The following PPARGC1B variants were observed in gnomAD, a reference collection of about 807,000 sequenced individuals.
The protein encoded by PPARGC1B is PPARG coactivator 1 beta, also known as peroxisome proliferator-activated receptor gamma coactivator 1-beta.
A neutral mutation model predicts 101.6 loss-of-function variants in PPARGC1B; 34 were observed. The ratio of observed to expected loss-of-function variants is 0.33; its 90% CI spans 0.25 to 0.45. The LOEUF (loss-of-function observed/expected upper bound fraction) is 0.45. Among genes scored for constraint, PPARGC1B ranks in the 20% least tolerant of loss-of-function variants. The pLI is 1.00. For missense variants in PPARGC1B, 1,234 were observed against 1,317.6 expected, an observed-to-expected ratio of 0.94 and a Z score of 0.98; for synonymous variants, 548 against 539.3, an observed-to-expected ratio of 1.02 and a Z score of -0.22.
In PPARGC1B at chr5:149,826,850, T is replaced by G. The variant is rs1225262862; in HGVS notation, c.430T>G (p.Ser144Ala). The G allele has an allele frequency of 1.2e-6, 2 of 1,613,344 alleles. No individual in the cohort carries two copies. Among genetic ancestry groups the G allele is most frequent in the African/African-American group, 1.3e-5 (1 of 75,032 alleles). The change falls in exon 3 of 12, where the codon TCG (serine) becomes GCG (alanine). Residue 144 changes from serine (S) to alanine (A), a missense_variant. Around this residue, in one of 3 missense-constraint regions of PPARGC1B, gnomAD observed 734 missense variants for 768.4 expected, o/e 0.96. Transcript: ENST00000309241. ...CCCCAGCCCTGCCCCGGAGAAGCCC[T>G]CGGCCCCAGCCCCTGAGGTGGACGA... is the stretch of plus-strand genomic sequence containing the variant. ...APPSPAPEKPSAPAPEVDELS... is the reference protein window; with the variant it reads ...APPSPAPEKPAAPAPEVDELS...
At chr5:149,821,639 G>A (rs1382049471) in intron 2 of PPARGC1B, among the ~76,000 whole-genome samples, 1 of 152,208 alleles carries the variant, frequency 6.6e-6, no homozygotes, top group African/African-American at 2.4e-5. Context: ...GAACACCAAG[G>A]TGGTGTGCCG....
intron 2 of PPARGC1B, among the ~76,000 whole-genome samples, chr5:149,826,446 C>T (rs1285460920): frequency 1.3e-5 from 2 of 152,172 alleles, no homozygotes; most frequent in Non-Finnish European, 2.9e-5. Flanking sequence ...ACTGCCTGTT[C>T]ATAAAATTCT....
chr5:149,731,015 C>G (rs754030025), intron 1 of PPARGC1B, among the ~76,000 whole-genome samples: 19 of 152,360 alleles, frequency 1.2e-4, no homozygotes, highest in Non-Finnish European at 1.8e-4. Context: ...ACAGCGTCTT[C>G]CTGGTTTCGC....
intron 1 of PPARGC1B, chr5:149,732,968 C>T (rs189178887): frequency 8.4e-4 from 195 of 232,790 alleles, no homozygotes; most frequent in African/African-American, 4.4e-3. Flanking sequence ...CTCATTTCCT[C>T]CATCTGTCAA....
At chr5:149,843,125 G>A (rs1301588987) in intron 10 of PPARGC1B, among the ~76,000 whole-genome samples, 2 of 152,086 alleles carry the variant, frequency 1.3e-5, no homozygotes, top group African/African-American at 2.4e-5. Context: ...CCGAGATGGC[G>A]CCACTGCACT....
At chr5:149,744,155 C>T (rs1286498455) in intron 1 of PPARGC1B, among the ~76,000 whole-genome samples, 1 of 152,220 alleles carries the variant, frequency 6.6e-6, no homozygotes, top group Non-Finnish European at 1.5e-5. Context: ...AGAAAATGAA[C>T]TTCAGGCTGC....
intron 2 of PPARGC1B, among the ~76,000 whole-genome samples, chr5:149,824,077 C>T: frequency 6.6e-6 from 1 of 152,204 alleles, no homozygotes; most frequent in Non-Finnish European, 1.5e-5. Flanking sequence ...TGAAGCCCTG[C>T]ATCAGGGAAA....
In PPARGC1B at chr5:149,836,470, C is replaced by T. The variant is rs751472770; in HGVS notation, c.2015C>T (p.Thr672Ile). The T allele has an allele frequency of 1.2e-5, 20 of 1,614,006 alleles. No individual in the cohort carries two copies. The highest frequency in any genetic ancestry group is 1.7e-5 in the Non-Finnish European group (20 of 1,180,024). The change falls in exon 8 of 12, where the codon ACA becomes ATA. Residue 672 changes from threonine (T) to isoleucine (I), a missense_variant. Thr to Ile is a moderately conservative substitution (Grantham distance 89). Around this residue, in one of 3 missense-constraint regions of PPARGC1B, gnomAD observed 497 missense variants for 529.5 expected, o/e 0.94. Transcript: ENST00000309241. ...CTCCTGTCCCACCTGCGACATGCCACAGCCCAGCCAGCCTCCCAGGCTGGC... is the reference window on the plus strand; with the variant it reads ...CTCCTGTCCCACCTGCGACATGCCATAGCCCAGCCAGCCTCCCAGGCTGGC... ...SELLSHLRHA[T>I]AQPASQAGQK... is the part of the protein sequence containing the mutation.
chr5:149,828,738 C>A (rs187550388), intron 3 of PPARGC1B, among the ~76,000 whole-genome samples: 1 of 152,156 alleles, frequency 6.6e-6, no homozygotes, highest in Non-Finnish European at 1.5e-5. Flanking sequence ...CCCTGCATAC[C>A]GACAGAGATC....
intron 1 of PPARGC1B, among the ~76,000 whole-genome samples, chr5:149,788,800 A>G (rs1270491264): frequency 6.6e-6 from 1 of 152,214 alleles, no homozygotes; most frequent in South Asian, 2.1e-4. Flanking sequence ...GCTGGAAACC[A>G]TCATTCTGAG....
At position 149,756,866 on chromosome 5, in the gene PPARGC1B, AG is replaced by A. The variant is rs545424557; in HGVS notation, c.78+26447del. Among the ~76,000 whole-genome samples, 1,320 of 152,246 alleles carry A rather than the reference AG, an allele frequency of 8.7e-3. 23 individuals are homozygous for A. Among genetic ancestry groups the A allele is most frequent in the African/African-American group, 0.028 (1,165 of 41,534 alleles). The stretch of plus-strand genomic sequence containing the variant: ...ATGTGTCTTGTTCACTGTCCACCTG[AG>A]ATGGGATCTGGTTCTGGACCCCTAG... On this transcript the variant is annotated intron_variant, in intron 1 of 11. Coordinates refer to ENST00000309241, the MANE Select transcript of PPARGC1B (RefSeq NM_133263.4).
At chr5:149,778,557 G>T (rs1384216013) in intron 1 of PPARGC1B, among the ~76,000 whole-genome samples, 1 of 152,114 alleles carries the variant, frequency 6.6e-6, no homozygotes, top group African/African-American at 2.4e-5. Flanking sequence ...GCTGCTTGCG[G>T]CTGCCATTGG....
chr5:149,844,483 C>CA (rs1759475617), intron 10 of PPARGC1B, among the ~76,000 whole-genome samples: 1 of 152,116 alleles, frequency 6.6e-6, no homozygotes, highest in African/African-American at 2.4e-5. Context: ...ACTAAAAATA[C>CA]AAAAAATTAC....
At chr5:149,845,548 C>T (rs968588145) in intron 10 of PPARGC1B, 1 of 559,716 alleles carries the variant, frequency 1.8e-6, no homozygotes, top group Non-Finnish European at 3.1e-6. Context: ...GATGTGATGG[C>T]CAACACCTGG....
chr5:149,796,705 G>A (rs1004054368), intron 1 of PPARGC1B, among the ~76,000 whole-genome samples: 1 of 152,068 alleles, frequency 6.6e-6, no homozygotes, highest in East Asian at 1.9e-4. Flanking sequence ...ACTGGCTGAT[G>A]GATGGCATGT....
chr5:149,793,434 T>A (rs1364415185), intron 1 of PPARGC1B, among the ~76,000 whole-genome samples: 2 of 152,124 alleles, frequency 1.3e-5, no homozygotes, highest in Non-Finnish European at 2.9e-5. Flanking sequence ...AGAAGGCCCT[T>A]ATACTGCCTC....
Position 149,839,242 on chromosome 5 carries a change from A to G in PPARGC1B, c.2619-799A>G, listed in dbSNP as rs549079764. Among the ~76,000 whole-genome samples, 33 of 152,330 alleles carry G rather than the reference A, an allele frequency of 2.2e-4. 1 individual carries two copies. Among genetic ancestry groups the G allele is most frequent in the Admixed American group, 1.9e-3 (29 of 15,302 alleles). On this transcript the variant is annotated intron_variant, in intron 8 of 11. Coordinates refer to ENST00000309241, the MANE Select transcript of PPARGC1B (RefSeq NM_133263.4). ...GGGATGGACACAATTGGTTATCCCT[A>G]TTTTATAGATGAAGAACTGAAGTTG...
chr5:149,821,880 C>G (rs979906684), intron 2 of PPARGC1B, among the ~76,000 whole-genome samples: 7 of 152,098 alleles, frequency 4.6e-5, no homozygotes, highest in African/African-American at 1.7e-4. Context: ...GTTGTGTACT[C>G]CTAATAATCG....
Position 149,832,034 on chromosome 5 carries a change from C to T in PPARGC1B, c.583-622C>T, listed in dbSNP as rs1325377376. ...ACATATCCATCATTCAGGCTGGTCG[C>T]GGTGGCTCACGCCTGTAATCCCAGC... On this transcript the variant is annotated intron_variant, in intron 4 of 11. Coordinates refer to ENST00000309241, the MANE Select transcript of PPARGC1B (RefSeq NM_133263.4). This position sits in a 1 kb window ranked among gnomAD's most constrained non-coding sequence, Gnocchi z 4.9. Among the ~76,000 whole-genome samples the T allele has an allele frequency of 5.3e-5, 8 of 152,124 alleles. No homozygotes were observed. Among genetic ancestry groups the T allele is most frequent in the Non-Finnish European group, 7.3e-5 (5 of 68,030 alleles).
Sources: allele counts gnomAD v4.1 joint callset (sites outside exome capture counted in the v4.1 genomes callset), GRCh38; gene constraint gnomAD v4.1.1; regional missense constraint gnomAD v4.1.1; non-coding constraint Gnocchi (gnomAD v3.1); transcripts MANE v1.5; gene names NCBI Gene and HGNC (gene_info 2026-07-23, HGNC 2026-07-21).